Variants in PALM2AKAP2 observed in about 807,000 individuals in gnomAD.
PALM2AKAP2 encodes the protein PALM2-AKAP2 fusion protein.
In PALM2AKAP2, 37 loss-of-function variants were observed where a neutral mutation model predicts 71.5. The observed-to-expected ratio is 0.52, with a 90% CI of 0.40 to 0.68. PALM2AKAP2 has a LOEUF of 0.68. Among genes scored for constraint, PALM2AKAP2 ranks in the 30% least tolerant of loss-of-function variants. The pLI is 0.00. For synonymous variants in PALM2AKAP2, 468 were observed against 478.8 expected (o/e 0.98, Z 0.29); for missense variants, 1,224 against 1,191.8 (o/e 1.03, Z -0.40).
chr9:110,060,403 C>G (rs1951523375), intron 1 of PALM2AKAP2, among the ~76,000 whole-genome samples: 1 of 151,988 alleles, frequency 6.6e-6, no homozygotes. Flanking sequence ...TTTAGCCTGA[C>G]AACTACTCTT....
At chr9:110,158,395 G>A (rs552002545) in intron 3 of PALM2AKAP2, among the ~76,000 whole-genome samples, 1 of 152,288 alleles carries the variant, frequency 6.6e-6, no homozygotes, top group East Asian at 1.9e-4. Context: ...TGTGACCCAC[G>A]CGAGTGTTTG....
chr9:109,791,807 C>T (rs1451568248), intron 1 of PALM2AKAP2, among the ~76,000 whole-genome samples: 1 of 152,190 alleles, frequency 6.6e-6, no homozygotes, highest in African/African-American at 2.4e-5. Context: ...GGGTCTCCTG[C>T]TTTTCCAAGA....
At chr9:109,931,324 T>C (rs1442035016) in intron 5 of PALM2AKAP2, among the ~76,000 whole-genome samples, 7 of 152,204 alleles carry the variant, frequency 4.6e-5, no homozygotes, top group Non-Finnish European at 1.0e-4. Flanking sequence ...AGGGGTATTG[T>C]CATTTAGAAT....
chr9:109,769,079 G>A (rs143582335), intron 1 of PALM2AKAP2, among the ~76,000 whole-genome samples: 1,866 of 150,682 alleles, frequency 0.012, 21 homozygotes, highest in Non-Finnish European at 0.02. Flanking sequence ...GCATTAGTTT[G>A]TTTCTGCCTT....
chr9:109,992,750 C>G (rs1439439317), intron 6 of PALM2AKAP2, among the ~76,000 whole-genome samples: 1 of 152,036 alleles, frequency 6.6e-6, no homozygotes, highest in Admixed American at 6.6e-5. Flanking sequence ...TAGATGACTT[C>G]TAGCATCTCT....
intron 1 of PALM2AKAP2, among the ~76,000 whole-genome samples, chr9:110,098,514 C>T (rs907440326): frequency 2.0e-5 from 3 of 152,184 alleles, no homozygotes; most frequent in Non-Finnish European, 4.4e-5. Flanking sequence ...CTCAATGAAG[C>T]TGTTTTAAAA....
intron 1 of PALM2AKAP2, among the ~76,000 whole-genome samples, chr9:109,826,110 A>C (rs9696433): frequency 0.22 from 33,914 of 151,834 alleles, 4,265 homozygotes; most frequent in South Asian, 0.36. Flanking sequence ...AAACTATCGC[A>C]AGGACAAAAA....
At chr9:110,093,025 G>T (rs919585753) in intron 1 of PALM2AKAP2, among the ~76,000 whole-genome samples, 2 of 152,134 alleles carry the variant, frequency 1.3e-5, no homozygotes, top group African/African-American at 4.8e-5. Flanking sequence ...GCTCCCCCTA[G>T]ACCACGGTGC....
chr9:110,090,114 A>T lies in PALM2AKAP2; in HGVS notation c.156+41259A>T, dbSNP rs184935451. ...TTCATTTGCCCTTGAAGGCTGTAAC[A>T]TGGTTCCAAAGTGTACCTTTGAACC... On this transcript the variant is annotated intron_variant, in intron 1 of 3. Coordinates refer to ENST00000374525, the Ensembl canonical transcript of PALM2AKAP2. The T allele has an allele frequency of 3.0e-5, 8 of 267,038 alleles. No individual in the cohort carries two copies. The East Asian group carries it at 7.6e-4, about 25-fold the overall frequency. 16.5% of individuals were successfully genotyped at this position (267,038 alleles called of 1,614,324 possible).
chr9:109,749,293 C>G (rs1226220383), intron 1 of PALM2AKAP2, among the ~76,000 whole-genome samples: 1 of 152,146 alleles, frequency 6.6e-6, no homozygotes, highest in East Asian at 1.9e-4. Context: ...CTCCAACAGA[C>G]TATTGAAATT....
chr9:110,050,996 G>A (rs1833699468), intron 1 of PALM2AKAP2, among the ~76,000 whole-genome samples: 1 of 152,130 alleles, frequency 6.6e-6, no homozygotes, highest in Non-Finnish European at 1.5e-5. Context: ...AATTATCTTG[G>A]ACAGCACCAA....
At chr9:109,688,982 C>G (rs1256646798) in intron 1 of PALM2AKAP2, among the ~76,000 whole-genome samples, 1 of 152,088 alleles carries the variant, frequency 6.6e-6, no homozygotes, top group Admixed American at 6.6e-5. Flanking sequence ...TGGGAAAGAT[C>G]CTGCAGTTCT....
intron 6 of PALM2AKAP2, among the ~76,000 whole-genome samples, chr9:109,970,649 T>C (rs1832048296): frequency 6.6e-6 from 1 of 152,214 alleles, no homozygotes; most frequent in Non-Finnish European, 1.5e-5. Context: ...GCACTGCCAC[T>C]TACTGCCTTG....
At chr9:110,084,861 G>A (rs1450190993) in intron 1 of PALM2AKAP2, among the ~76,000 whole-genome samples, 4 of 151,792 alleles carry the variant, frequency 2.6e-5, no homozygotes, top group South Asian at 2.1e-4. Context: ...TCAACCTCCC[G>A]AGTAGCTGGG....
intron 1 of PALM2AKAP2, among the ~76,000 whole-genome samples, chr9:110,118,173 T>A (rs1054945505): frequency 1.0e-4 from 15 of 143,104 alleles, no homozygotes; most frequent in African/African-American, 3.6e-4. Context: ...GAATATATAT[T>A]ATATATATAT....
chr9:109,808,027 T>C (rs926308117), intron 1 of PALM2AKAP2, among the ~76,000 whole-genome samples: 1 of 152,236 alleles, frequency 6.6e-6, no homozygotes, highest in Non-Finnish European at 1.5e-5. Flanking sequence ...GAACTGTGAT[T>C]CAATTAAATG....
chr9:110,136,391 G>A (rs774998273), exon 2 of PALM2AKAP2: 2 of 1,614,102 alleles, frequency 1.2e-6, no homozygotes, highest in African/African-American at 2.7e-5. Flanking sequence ...TGTTGCCAGA[G>A]AGATCCGCTA....
intron 1 of PALM2AKAP2, among the ~76,000 whole-genome samples, chr9:109,681,585 G>A (rs1001107416): frequency 2.0e-5 from 3 of 152,148 alleles, no homozygotes; most frequent in Admixed American, 6.5e-5. Flanking sequence ...GTAAACAAGG[G>A]CAGGCTGGGG....
chr9:109,795,390 C>A (rs1564152169), intron 1 of PALM2AKAP2, among the ~76,000 whole-genome samples: 2 of 152,184 alleles, frequency 1.3e-5, no homozygotes, highest in African/African-American at 4.8e-5. Flanking sequence ...ATGTCAAAGT[C>A]TTTTTTATTT....
Sources: gnomAD v4.1 joint callset for allele counts (sites outside exome capture counted in the v4.1 genomes callset) on GRCh38, gnomAD v4.1.1 for gene constraint, MANE v1.5 for transcripts, NCBI Gene and HGNC (gene_info 2026-07-23, HGNC 2026-07-21) for gene names.